CBLN2: variants seen among roughly 807,000 people sequenced by gnomAD.
CBLN2 encodes cerebellin 2 precursor, also known as cerebellin-2.
A neutral mutation model predicts 15.0 loss-of-function variants in CBLN2; 7 were observed. The ratio of observed to expected loss-of-function variants is 0.47; its 90% CI spans 0.27 to 0.88. The LOEUF (loss-of-function observed/expected upper bound fraction) is 0.88. Among genes scored for constraint, CBLN2 ranks in the 40% least tolerant of loss-of-function variants. The pLI is 0.14. For synonymous variants in CBLN2, 149 were observed against 135.2 expected (o/e 1.10, Z -0.71); for missense variants, 242 against 304.5 (o/e 0.79, Z 1.53).
chr18:72,598,948 C>A (rs914222609), intron 1 of CBLN2, among the ~76,000 whole-genome samples: 5 of 152,174 alleles, frequency 3.3e-5, no homozygotes, highest in African/African-American at 1.2e-4. Flanking sequence ...GTGTTGTAGG[C>A]AATTCAAGGC....
chr18:72,616,737 C>G (rs2069665270), intron 1 of CBLN2, among the ~76,000 whole-genome samples: 1 of 152,098 alleles, frequency 6.6e-6, no homozygotes, highest in African/African-American at 2.4e-5. Flanking sequence ...TCTATTTCAT[C>G]TATCTTGAGC....
At chr18:72,540,592 T>C (rs1253125995) in intron 3 of CBLN2, among the ~76,000 whole-genome samples, 2 of 152,218 alleles carry the variant, frequency 1.3e-5, no homozygotes, top group Admixed American at 6.5e-5. Flanking sequence ...CCTATTCCAT[T>C]GCTGTCTCAT....
chr18:72,574,804 T>A (rs960987811), intron 1 of CBLN2, among the ~76,000 whole-genome samples: 1 of 152,204 alleles, frequency 6.6e-6, no homozygotes, highest in Non-Finnish European at 1.5e-5. Flanking sequence ...GCTAGGAAAG[T>A]ATGTCATGAT....
At chr18:72,624,498 G>T (rs2069722000) in intron 1 of CBLN2, among the ~76,000 whole-genome samples, 3 of 152,060 alleles carry the variant, frequency 2.0e-5, no homozygotes, top group Non-Finnish European at 2.9e-5. Flanking sequence ...AAATTATCTA[G>T]GGGTGGTGGC....
chr18:72,552,270 G>A (rs1236129143), intron 1 of CBLN2, among the ~76,000 whole-genome samples: 1 of 151,892 alleles, frequency 6.6e-6, no homozygotes, highest in South Asian at 2.1e-4. Context: ...TTTTAGTAGA[G>A]ACAGGGTTTA....
At chr18:72,596,058 C>A (rs1277493658) in intron 1 of CBLN2, among the ~76,000 whole-genome samples, 2 of 151,984 alleles carry the variant, frequency 1.3e-5, no homozygotes, top group African/African-American at 4.8e-5. Flanking sequence ...AGGGCTTACC[C>A]CTGCCATTTT....
rs74807889 is a variant in CBLN2 at position 72,599,616 on chromosome 18, A to G, written c.15+38709T>C. ...GGCAAATAAATTCCTTGTGGTTAAC[A>G]TGGGACATTCATACCAGAGCCCATT... On this transcript the variant is annotated intron_variant, in intron 1 of 2. Coordinates refer to the CBLN2 transcript ENST00000581073. 9.4e-4 allele frequency among the ~76,000 whole-genome samples: 143 copies of G among 152,356 alleles called. 1 individual carries two copies. Among genetic ancestry groups the G allele is most frequent in the African/African-American group, 3.4e-3 (142 of 41,588 alleles).
chr18:72,538,820 G>T, intron 3 of CBLN2, 48 bp from the exon 4 acceptor site: 1 of 1,598,188 alleles, frequency 6.3e-7, no homozygotes. Flanking sequence ...CCCCTCCTCG[G>T]TGTATGTTTT....
intron 1 of CBLN2, among the ~76,000 whole-genome samples, chr18:72,585,068 G>A (rs543110581): frequency 3.6e-4 from 55 of 152,316 alleles, no homozygotes; most frequent in Admixed American, 1.4e-3. Flanking sequence ...CAGGTACCAG[G>A]GAATGCAATG....
chr18:72,635,111 A>G (rs772584021), intron 1 of CBLN2, among the ~76,000 whole-genome samples: 1 of 152,096 alleles, frequency 6.6e-6, no homozygotes, highest in Non-Finnish European at 1.5e-5. Flanking sequence ...CACTCAATTG[A>G]GCTCAATTAA....
At chr18:72,619,642 T>A (rs1453644911) in intron 1 of CBLN2, among the ~76,000 whole-genome samples, 2 of 152,200 alleles carry the variant, frequency 1.3e-5, no homozygotes, top group African/African-American at 4.8e-5. Flanking sequence ...CTTCTATGGT[T>A]TGTACGATTG....
At chr18:72,629,432 A>G (rs2069760889) in intron 1 of CBLN2, among the ~76,000 whole-genome samples, 1 of 152,086 alleles carries the variant, frequency 6.6e-6, no homozygotes, top group Non-Finnish European at 1.5e-5. Flanking sequence ...AAAGAAAACA[A>G]AGAAGATGAA....
chr18:72,579,065 T>C (rs1322820862), intron 1 of CBLN2, among the ~76,000 whole-genome samples: 1 of 152,220 alleles, frequency 6.6e-6, no homozygotes, highest in African/African-American at 2.4e-5. Flanking sequence ...TAATGCACTG[T>C]GGTCTATGAT....
intron 1 of CBLN2, among the ~76,000 whole-genome samples, chr18:72,585,477 G>T (rs917142644): frequency 6.6e-6 from 1 of 152,184 alleles, no homozygotes; most frequent in Non-Finnish European, 1.5e-5. Flanking sequence ...GAAACCCAGA[G>T]TGGGTAGCTC....
chr18:72,613,951 C>G (rs1325663108), intron 1 of CBLN2, among the ~76,000 whole-genome samples: 1 of 152,206 alleles, frequency 6.6e-6, no homozygotes, highest in African/African-American at 2.4e-5. Flanking sequence ...ATATATCCCT[C>G]TAGCCCAGAG....
chr18:72,553,963 C>T (rs2069207988), intron 1 of CBLN2, among the ~76,000 whole-genome samples: 1 of 152,178 alleles, frequency 6.6e-6, no homozygotes, highest in African/African-American at 2.4e-5. Context: ...ATTGCCATGC[C>T]TGGGTGCAAT....
At chr18:72,590,119 G>A (rs1382751566) in intron 1 of CBLN2, among the ~76,000 whole-genome samples, 1 of 152,202 alleles carries the variant, frequency 6.6e-6, no homozygotes, top group East Asian at 1.9e-4. Context: ...CAAAAAATTA[G>A]CCGGGCATGG....
chr18:72,615,164 TATAA>T (rs1177617181), intron 1 of CBLN2, among the ~76,000 whole-genome samples: 2 of 133,714 alleles, frequency 1.5e-5, no homozygotes, highest in Non-Finnish European at 3.2e-5. Flanking sequence ...AGAAAATATA[TATAA>T]ATATATATTT....
At chr18:72,599,592 G>A (rs1444892389) in intron 1 of CBLN2, among the ~76,000 whole-genome samples, 1 of 152,126 alleles carries the variant, frequency 6.6e-6, no homozygotes, top group Admixed American at 6.5e-5. Flanking sequence ...TTTATATGGG[G>A]CAAATAAATT....
Sources: allele counts gnomAD v4.1 joint callset (sites outside exome capture counted in the v4.1 genomes callset), GRCh38; gene constraint gnomAD v4.1.1; transcripts MANE v1.5; gene names NCBI Gene and HGNC (gene_info 2026-07-23, HGNC 2026-07-21).